B3GALT1: variants seen among roughly 807,000 people sequenced by gnomAD.
B3GALT1 encodes beta-1,3-galactosyltransferase 1.
Under a neutral mutation model 23.2 loss-of-function variants are expected in B3GALT1, and 10 were observed. That is an observed-to-expected ratio of 0.43 (90% CI 0.27 to 0.73). The LOEUF is 0.73. Ranked by LOEUF, B3GALT1 falls within the 30% of genes least tolerant of loss-of-function variation. B3GALT1 has a pLI of 0.21. For missense variants in B3GALT1, 299 were observed against 405.4 expected, an observed-to-expected ratio of 0.74 and a Z score of 2.25; for synonymous variants, 156 against 141.5, an observed-to-expected ratio of 1.10 and a Z score of -0.73.
chr2:167,677,075 G>C (rs1019658053), intron 3 of B3GALT1, among the ~76,000 whole-genome samples: 1 of 152,112 alleles, frequency 6.6e-6, no homozygotes, highest in South Asian at 2.1e-4. Flanking sequence ...AGCTGGGTGA[G>C]GGGTAGGAAA....
intron 3 of B3GALT1, among the ~76,000 whole-genome samples, chr2:167,792,860 ATTT>A (rs371433634): frequency 5.5e-4 from 80 of 144,386 alleles, no homozygotes; most frequent in South Asian, 1.8e-3. Context: ...GGGGAACAGA[ATTT>A]TTTTTTTTTT....
At chr2:167,761,098 C>G (rs1391185858) in intron 3 of B3GALT1, among the ~76,000 whole-genome samples, 1 of 152,128 alleles carries the variant, frequency 6.6e-6, no homozygotes, top group African/African-American at 2.4e-5. Context: ...GATCATTTTT[C>G]CAAGTGAAAA....
chr2:167,606,041 C>A (rs1444049169), intron 2 of B3GALT1, among the ~76,000 whole-genome samples: 1 of 152,150 alleles, frequency 6.6e-6, no homozygotes, highest in African/African-American at 2.4e-5. Flanking sequence ...TTCCTGTCAC[C>A]TTAAAATCAA....
chr2:167,595,379 C>A (rs184814630), intron 2 of B3GALT1, among the ~76,000 whole-genome samples: 12 of 152,254 alleles, frequency 7.9e-5, no homozygotes, highest in Non-Finnish European at 1.5e-4. Flanking sequence ...TGTCATAATT[C>A]TTCTTGGAAT....
intron 3 of B3GALT1, among the ~76,000 whole-genome samples, chr2:167,794,492 C>T (rs1574265784): frequency 6.6e-6 from 1 of 152,256 alleles, no homozygotes; most frequent in African/African-American, 2.4e-5. Flanking sequence ...AACAAAAATT[C>T]CCTCATTTAG....
chr2:167,496,958 G>A (rs1293551564), intron 2 of B3GALT1, among the ~76,000 whole-genome samples: 1 of 152,136 alleles, frequency 6.6e-6, no homozygotes, highest in Non-Finnish European at 1.5e-5. Flanking sequence ...ATAGTTAAAT[G>A]ATGAGTTAAT....
chr2:167,457,318 G>A (rs1053997175), intron 1 of B3GALT1, among the ~76,000 whole-genome samples: 2 of 151,862 alleles, frequency 1.3e-5, no homozygotes, highest in Non-Finnish European at 2.9e-5. Flanking sequence ...GACTACAGGT[G>A]CACACTACCA....
chr2:167,546,505 A>G (rs988857032), intron 2 of B3GALT1, among the ~76,000 whole-genome samples: 1 of 152,142 alleles, frequency 6.6e-6, no homozygotes, highest in African/African-American at 2.4e-5. Flanking sequence ...GAGGCAAACA[A>G]AGGTACTCCT....
At chr2:167,753,387 A>C (rs139305225) in intron 3 of B3GALT1, among the ~76,000 whole-genome samples, 5 of 152,204 alleles carry the variant, frequency 3.3e-5, no homozygotes, top group Non-Finnish European at 5.9e-5. Flanking sequence ...GTGAAACCCA[A>C]GCACACAACC....
At chr2:167,772,437 T>C (rs1279079752) in intron 3 of B3GALT1, among the ~76,000 whole-genome samples, 1 of 152,182 alleles carries the variant, frequency 6.6e-6, no homozygotes, top group East Asian at 1.9e-4. Flanking sequence ...AGGTAAAATA[T>C]CTGCCTTAAA....
intron 1 of B3GALT1, among the ~76,000 whole-genome samples, chr2:167,370,905 G>A (rs1267271550): frequency 2.6e-5 from 4 of 152,096 alleles, no homozygotes; most frequent in South Asian, 2.1e-4. Flanking sequence ...CAGCCTGGGC[G>A]ACAGTGCGAG....
intron 1 of B3GALT1, among the ~76,000 whole-genome samples, chr2:167,473,540 A>C (rs1002657312): frequency 8.5e-5 from 13 of 152,150 alleles, no homozygotes; most frequent in Non-Finnish European, 1.6e-4. Context: ...TGAAAAAAGA[A>C]ATAACTCATA....
intron 2 of B3GALT1, among the ~76,000 whole-genome samples, chr2:167,505,392 T>C (rs534291584): frequency 1.3e-5 from 2 of 152,286 alleles, no homozygotes; most frequent in East Asian, 3.9e-4. Context: ...CTAAAAACAA[T>C]AGACTTGTGT....
chr2:167,394,118 G>A (rs189348837), intron 1 of B3GALT1, among the ~76,000 whole-genome samples: 1 of 152,208 alleles, frequency 6.6e-6, no homozygotes, highest in African/African-American at 2.4e-5. Flanking sequence ...ACACATTGCT[G>A]CCTTAGTGTA....
intron 3 of B3GALT1, among the ~76,000 whole-genome samples, chr2:167,707,132 C>T (rs1174272914): frequency 6.6e-6 from 1 of 152,174 alleles, no homozygotes; most frequent in Non-Finnish European, 1.5e-5. Flanking sequence ...CTAGTGCACA[C>T]CTTTCAGCCG....
rs57578657 is a variant in B3GALT1, at chr2:167,586,363, G to A, written c.-409-60546G>A. Among the ~76,000 whole-genome samples the A allele has an allele frequency of 6.0e-3, 913 of 152,140 alleles. 14 individuals carry two copies. Among genetic ancestry groups the A allele is most frequent in the African/African-American group, 0.021 (870 of 41,504 alleles). ...CGCCCAGGCTGGAGTGCAGTGGCAC[G>A]ATCTCGGCTCACTGCAACCTCCGCC... On this transcript the variant is annotated intron_variant, in intron 2 of 4. Coordinates refer to ENST00000392690, the MANE Select transcript of B3GALT1 (RefSeq NM_020981.4).
chr2:167,677,779 A>C (rs1451218900), intron 3 of B3GALT1, among the ~76,000 whole-genome samples: 1 of 152,190 alleles, frequency 6.6e-6, no homozygotes, highest in Non-Finnish European at 1.5e-5. Context: ...AAAGAGGTTT[A>C]ATTGATTCAC....
At chr2:167,514,630 A>G (rs748892275) in intron 2 of B3GALT1, among the ~76,000 whole-genome samples, 3 of 152,226 alleles carry the variant, frequency 2.0e-5, no homozygotes, top group Non-Finnish European at 4.4e-5. Context: ...TAGTGATTCT[A>G]TATACTAAAG....
At chr2:167,435,971 A>G (rs1489675153) in intron 1 of B3GALT1, among the ~76,000 whole-genome samples, 1 of 118,192 alleles carries the variant, frequency 8.5e-6, no homozygotes, top group African/African-American at 3.9e-5. Context: ...ACACACACAC[A>G]CACACACACA....
Sources: allele counts gnomAD v4.1 joint callset (sites outside exome capture counted in the v4.1 genomes callset), GRCh38; gene constraint gnomAD v4.1.1; transcripts MANE v1.5; gene names NCBI Gene and HGNC (gene_info 2026-07-23, HGNC 2026-07-21).